The following MAP3K21 variants were observed in gnomAD, a reference collection of about 807,000 sequenced individuals.
The protein encoded by MAP3K21 is mitogen-activated protein kinase kinase kinase 21, also known as mitogen-activated protein kinase kinase kinase MLK4.
In MAP3K21, 63 loss-of-function variants were observed where a neutral mutation model predicts 86.1. The ratio of observed to expected loss-of-function variants is 0.73; its 90% confidence interval spans 0.60 to 0.90. The LOEUF (loss-of-function observed/expected upper bound fraction) is 0.90. MAP3K21 is among the 40% of genes least tolerant of loss of function. The pLI is 0.00. For synonymous variants in MAP3K21, 558 were observed against 564.8 expected (o/e 0.99, Z 0.17); for missense variants, 1,220 against 1,367.7 (o/e 0.89, Z 1.70).
At position 233,339,268 on chromosome 1, in the gene MAP3K21, C is replaced by CTTCT. The variant is rs1390932387; in HGVS notation, c.806-7173_806-7172insTCTT. Among the ~76,000 whole-genome samples, 67 of 19,848 alleles carry CTTCT rather than the reference C, an allele frequency of 3.4e-3. 7 individuals carry two copies. The highest frequency in any genetic ancestry group is 4.7e-3 in the Admixed American group (7 of 1,498). 13.0% of individuals were successfully genotyped at this position (19,848 alleles called of 152,430 possible). ...CTTCTTCTTCTTCTTCTTCTTCTTC[C>CTTCT]TCTTCTTCTTCTTCTTCTTCTTCCT... On this transcript the variant is annotated intron_variant, in intron 1 of 9. Coordinates refer to ENST00000366624, the MANE Select transcript of MAP3K21 (RefSeq NM_032435.3).
At chr1:233,347,328 A>G (rs940400654) in intron 2 of MAP3K21, among the ~76,000 whole-genome samples, 8 of 152,234 alleles carry the variant, frequency 5.3e-5, no homozygotes, top group Admixed American at 3.9e-4. Context: ...AAAGTCTCCT[A>G]TTTGAAGACT....
At position 233,372,065 on chromosome 1, in the gene MAP3K21, C is replaced by T. The variant is rs758557686; in HGVS notation, c.1580C>T (p.Ala527Val). 6.2e-7 allele frequency: 1 copy of T among 1,614,060 alleles called. No individual in the cohort carries two copies. ...SDFQHKITVQ[A>V]SPNLDKRRSL... ...TTCCAGCACAAGATAACCGTGCAGGCCTCTCCCAACTTGGACAAACGGCGG... is the reference window on the plus strand; with the variant it reads ...TTCCAGCACAAGATAACCGTGCAGGTCTCTCCCAACTTGGACAAACGGCGG... Residue 527 changes from alanine to valine, a missense_variant, in exon 6 of 10, where the codon GCC becomes GTC. By Grantham distance (64) the Ala-to-Val change is moderately conservative. Around this residue, in one of 5 missense-constraint regions of MAP3K21, gnomAD observed 632 missense variants for 691.3 expected, o/e 0.91. Transcript: ENST00000366624.
rs761317015 is a variant in MAP3K21, at chr1:233,379,042, A to G, written c.2036A>G (p.Gln679Arg). The G allele has an allele frequency of 6.2e-7, 1 of 1,614,240 alleles. No homozygotes were observed. The highest frequency in any genetic ancestry group is 1.1e-5 in the South Asian group (1 of 91,088). Residue 679 changes from glutamine (Q) to arginine (R), a missense_variant, in exon 9 of 10, where the codon CAG (glutamine) becomes CGG (arginine). By Grantham distance (43) the Gln-to-Arg change is conservative (BLOSUM62 1). Around this residue, in one of 5 missense-constraint regions of MAP3K21, gnomAD observed 632 missense variants for 691.3 expected, o/e 0.91. Transcript: ENST00000366624. ...YIDLPLGKDA[Q>R]RENPAEAESW... ...GATCTACCTCTTGGGAAAGATGCTC[A>G]GAGAGAGAATCCTGCAGAAGCTGAA...
In MAP3K21 at chr1:233,328,681, C is replaced by T. The variant is rs1442098829; in HGVS notation, c.653C>T (p.Ala218Val). 1.5e-6 allele frequency: 2 copies of T among 1,354,212 alleles called. No individual in the cohort carries two copies. The highest frequency in any genetic ancestry group is 3.1e-5 in the East Asian group (1 of 31,860). The allele number at this position is 1,354,212 out of a possible 1,614,324, so 83.9% of individuals were successfully genotyped here. A position where few individuals can be genotyped will look rare whatever the true frequency, so the allele number is the denominator to read the frequency against. Residue 218 changes from alanine (A) to valine (V), a missense_variant, in exon 1 of 10, where the codon GCC becomes GTC. Transcript: ENST00000366624. This position sits in a 1 kb window ranked among gnomAD's most constrained non-coding sequence, Gnocchi z 8.7. ...LNRALAAANA[A>V]PDPRAPGPRR... ...CGAGCGCTGGCCGCTGCCAACGCCG[C>T]CCCGGACCCGCGCGCGCCCGGCCCC... is the stretch of plus-strand genomic sequence containing the variant.
intron 5 of MAP3K21, 45 bp downstream of exon 5, chr1:233,362,338 C>T (rs1186623146): frequency 8.8e-6 from 14 of 1,596,826 alleles, no homozygotes; most frequent in Admixed American, 1.7e-5. Flanking sequence ...TGTGTGTCCT[C>T]CTTTTAATCA....
At chr1:233,360,313 A>G (rs1663442409) in intron 4 of MAP3K21, among the ~76,000 whole-genome samples, 1 of 152,152 alleles carries the variant, frequency 6.6e-6, no homozygotes, top group Non-Finnish European at 1.5e-5. Context: ...AACATGTAAC[A>G]TTTTCCCCTT....
chr1:233,331,768 G>C (rs1322655019), intron 1 of MAP3K21, among the ~76,000 whole-genome samples: 2 of 152,108 alleles, frequency 1.3e-5, no homozygotes, highest in African/African-American at 4.8e-5. Context: ...ATCTTTTCTA[G>C]TAGATCTTCT....
At position 233,361,969 on chromosome 1, in the gene MAP3K21, G is replaced by A. The variant is rs1663473611; in HGVS notation, c.1312-84G>A. The A allele has an allele frequency of 4.7e-6, 7 of 1,492,330 alleles. No individual in the cohort carries two copies. In the South Asian group the frequency reaches 5.3e-5, roughly 11 times the overall value. 92.4% of individuals were successfully genotyped at this position (1,492,330 alleles called of 1,614,324 possible). A position where few individuals can be genotyped will look rare whatever the true frequency, so the allele number is the denominator to read the frequency against. On this transcript the variant is annotated intron_variant, in intron 4 of 9. Coordinates refer to ENST00000366624, the MANE Select transcript of MAP3K21 (RefSeq NM_032435.3). ...TTGTGCACAGGAGGAGCCCGTGGCC[G>A]AGGGGTCGCCAGTGTAGTGTAATAG...
Position 233,328,535 on chromosome 1 carries a change from G to A in MAP3K21, c.507G>A (p.Arg169=), listed in dbSNP as rs763752824. 6.5e-7 allele frequency: 1 copy of A among 1,533,542 alleles called. No individual in the cohort carries two copies. Among genetic ancestry groups the A allele is most frequent in the Non-Finnish European group, 8.7e-7 (1 of 1,151,110 alleles). The allele number at this position is 1,533,542 out of a possible 1,614,324, so 95.0% of individuals were successfully genotyped here. A position where few individuals can be genotyped will look rare whatever the true frequency, so the allele number is the denominator to read the frequency against. Residue 169 remains arginine, a synonymous_variant, in exon 1 of 10, where the codon CGG becomes CGA. Transcript: ENST00000366624. This position sits in a 1 kb window ranked among gnomAD's most constrained non-coding sequence, Gnocchi z 8.7. ...QDAAAAAESV[R]REARLFAMLR... ...CGGCGGCGGCTGCCGAGAGCGTGCG[G>A]CGCGAGGCTCGGCTCTTCGCCATGC... is the stretch of plus-strand genomic sequence containing the variant.
chr1:233,379,419 C>A lies in MAP3K21; in HGVS notation c.2413C>A (p.Pro805Thr). Residue 805 changes from proline to threonine, a missense_variant, in exon 9 of 10, where the codon CCT (proline) becomes ACT (threonine). By Grantham distance (38) the Pro-to-Thr change is conservative (BLOSUM62 -1). This residue lies in a region of MAP3K21 where 632 missense variants were observed against 691.3 expected (regional missense o/e 0.91). Transcript: ENST00000366624. ...AAGTGCCCTGGGCATCCTCTCCACA[C>A]CTTCTTTCTCCACAAAGTGCCTGCT... ...LSSALGILST[P>T]SFSTKCLLQM... 1 of 1,614,250 alleles carries A rather than the reference C, an allele frequency of 6.2e-7. No homozygotes were observed. The highest frequency in any genetic ancestry group is 1.1e-5 in the South Asian group (1 of 91,084).
chr1:233,342,569 A>G (rs1663055079), intron 1 of MAP3K21, among the ~76,000 whole-genome samples: 2 of 152,384 alleles, frequency 1.3e-5, no homozygotes, highest in South Asian at 2.1e-4. Context: ...AGTAGCTTGT[A>G]CATAGCTTTG....
In MAP3K21 at chr1:233,382,949, T is replaced by C. The variant is rs1663947452; in HGVS notation, c.*238T>C. On this transcript the variant is annotated 3_prime_UTR_variant, in exon 10 of 10. Coordinates refer to ENST00000366624, the MANE Select transcript of MAP3K21 (RefSeq NM_032435.3). ...ATACACAAAAGTGTAAAACAAGAGA[T>C]GTGCACCAATGAAAACTATGCTGGG... 2.4e-6 allele frequency: 1 copy of C among 410,498 alleles called. No homozygotes were observed. The highest frequency in any genetic ancestry group is 3.9e-5 in the Admixed American group (1 of 25,810). The allele number at this position is 410,498 out of a possible 1,614,324, so 25.4% of individuals were successfully genotyped here.
chr1:233,361,982 TGTA>T, intron 4 of MAP3K21, 68 bp from the exon 5 acceptor site: 1 of 1,549,140 alleles, frequency 6.5e-7, no homozygotes, highest in Non-Finnish European at 8.7e-7. Context: ...GGGTCGCCAG[TGTA>T]GTGTAATAGA....
intron 1 of MAP3K21, among the ~76,000 whole-genome samples, chr1:233,342,244 A>C (rs75917843): frequency 0.014 from 2,119 of 152,360 alleles, 54 homozygotes; most frequent in African/African-American, 0.048. Context: ...TTCTGAGCAG[A>C]ACAGAAAAGG....
intron 1 of MAP3K21, among the ~76,000 whole-genome samples, chr1:233,344,300 T>C (rs1308656299): frequency 6.6e-6 from 1 of 152,122 alleles, no homozygotes; most frequent in East Asian, 1.9e-4. Flanking sequence ...AGAACAAAAC[T>C]GGAGGCATCA....
chr1:233,362,042 C>CT lies in MAP3K21; in HGVS notation c.1312-10dup. 1 of 1,609,960 alleles carries CT rather than the reference C, an allele frequency of 6.2e-7. No individual in the cohort carries two copies. The highest frequency in any genetic ancestry group is 8.5e-7 in the Non-Finnish European group (1 of 1,178,316). On this transcript the variant is annotated splice_polypyrimidine_tract_variant and intron_variant, in intron 4 of 9. Transcript: ENST00000366624. ...GGGAATGATTCCGGTGGGTGTGAATCTGTGTCGCAGGAGCTGCGATCCCGG... is the reference window on the plus strand; with the variant it reads ...GGGAATGATTCCGGTGGGTGTGAATCTTGTGTCGCAGGAGCTGCGATCCCGG...
intron 5 of MAP3K21, among the ~76,000 whole-genome samples, chr1:233,365,386 G>T (rs144731638): frequency 6.6e-6 from 1 of 152,170 alleles, no homozygotes; most frequent in Non-Finnish European, 1.5e-5. Context: ...CATCTGACAA[G>T]GGACTAGCAC....
intron 4 of MAP3K21, among the ~76,000 whole-genome samples, chr1:233,355,935 CT>C (rs932474532): frequency 6.6e-6 from 1 of 152,160 alleles, no homozygotes; most frequent in Non-Finnish European, 1.5e-5. Flanking sequence ...CCATTGCCCA[CT>C]TTTTTGCCAT....
At chr1:233,365,231 T>G (rs1464312583) in intron 5 of MAP3K21, among the ~76,000 whole-genome samples, 2 of 152,090 alleles carry the variant, frequency 1.3e-5, no homozygotes, top group African/African-American at 4.8e-5. Flanking sequence ...ATTTTATGAC[T>G]TAAGACTTCA....
Sources: gnomAD v4.1 joint callset for allele counts (sites outside exome capture counted in the v4.1 genomes callset) on GRCh38, gnomAD v4.1.1 for gene constraint, gnomAD v4.1.1 regional missense constraint, Gnocchi (gnomAD v3.1) non-coding constraint, MANE v1.5 for transcripts, NCBI Gene and HGNC (gene_info 2026-07-23, HGNC 2026-07-21) for gene names.